The following MYO16 variants were observed in gnomAD, a reference collection of about 807,000 sequenced individuals.
MYO16 encodes the protein unconventional myosin-XVI.
A neutral mutation model predicts 205.3 loss-of-function variants in MYO16; 94 were observed. That is an observed-to-expected ratio of 0.46 (90% CI 0.39 to 0.54). The LOEUF is 0.54. MYO16 is among the 20% of genes least tolerant of loss of function. MYO16 has a pLI of 0.00. For synonymous variants in MYO16, 988 were observed against 954.0 expected (o/e 1.04, Z -0.66); for missense variants, 2,315 against 2,387.5 (o/e 0.97, Z 0.63).
the MYO16 span, among the ~76,000 whole-genome samples, chr13:108,496,830 T>G: frequency 3.3e-5 from 5 of 152,222 alleles, no homozygotes; most frequent in African/African-American, 4.8e-5. Context: ...GAGCGGTTTC[T>G]CTTGCTAAGC....
intron 34 of MYO16, among the ~76,000 whole-genome samples, chr13:109,185,732 C>T (rs2139931379): frequency 6.6e-6 from 1 of 152,312 alleles, no homozygotes; most frequent in East Asian, 1.9e-4. Flanking sequence ...CTCTCAATCT[C>T]ATCCCTGCCT....
chr13:108,761,232 G>A (rs7337670), intron 4 of MYO16, among the ~76,000 whole-genome samples: 5,302 of 152,182 alleles, frequency 0.035, 311 homozygotes, highest in African/African-American at 0.12. Flanking sequence ...CAGAGCATTT[G>A]GATAAGCTCA....
Position 108,920,687 on chromosome 13 carries a change from T to G in MYO16, c.1925+10537T>G, listed in dbSNP as rs988902535. Among the ~76,000 whole-genome samples the G allele has an allele frequency of 1.4e-4, 21 of 152,260 alleles. No individual in the cohort carries two copies. The East Asian group carries it at 3.3e-3, about 24-fold the overall frequency. ...TTGGCCAGGCTGGTCTCAAACTCCT[T>G]ACCTCTGGTGATCTGCCCACCTTGG... is the stretch of plus-strand genomic sequence containing the variant. On this transcript the variant is annotated intron_variant, in intron 16 of 34. Transcript: ENST00000457511.
chr13:109,141,077 C>T lies in MYO16; in HGVS notation c.4865C>T (p.Ala1622Val). Residue 1622 changes from alanine to valine, a missense_variant, in exon 32 of 35, where the codon GCC becomes GTC. Physicochemically the swap from Ala to Val is moderately conservative, Grantham distance 64. Around this residue, in one of 3 missense-constraint regions of MYO16, gnomAD observed 1,097 missense variants for 1,092.0 expected, o/e 1.00. Coordinates refer to ENST00000457511, the MANE Select transcript of MYO16 (RefSeq NM_001198950.3). This position sits in a 1 kb window ranked among gnomAD's most constrained non-coding sequence, Gnocchi z 4.1. Reference protein sequence around the residue: ...CAHLAFPPEPAPVNAGKAGPS... With the variant: ...CAHLAFPPEPVPVNAGKAGPS... ...CACTTGGCCTTCCCGCCGGAGCCCGCCCCGGTGAACGCGGGGAAAGCGGGG... is the reference window on the plus strand; with the variant it reads ...CACTTGGCCTTCCCGCCGGAGCCCGTCCCGGTGAACGCGGGGAAAGCGGGG... The T allele has an allele frequency of 2.1e-6, 3 of 1,457,916 alleles. No individual in the cohort carries two copies. The highest frequency in any genetic ancestry group is 2.7e-6 in the Non-Finnish European group (3 of 1,106,694). 90.3% of individuals were successfully genotyped at this position (1,457,916 alleles called of 1,614,324 possible).
chr13:109,102,076 T>A (rs1888985255), intron 28 of MYO16, among the ~76,000 whole-genome samples: 1 of 152,168 alleles, frequency 6.6e-6, no homozygotes, highest in Non-Finnish European at 1.5e-5. Context: ...ATCTTTTTCT[T>A]TGTTATCTTT....
At chr13:108,649,097 A>T (rs1880884252) in intron 1 of MYO16, among the ~76,000 whole-genome samples, 2 of 147,724 alleles carry the variant, frequency 1.4e-5, no homozygotes, top group Admixed American at 6.8e-5. Context: ...GGGGGGAGGG[A>T]TAGCATTAGG....
intron 27 of MYO16, among the ~76,000 whole-genome samples, chr13:109,072,358 A>G (rs967732420): frequency 5.3e-5 from 8 of 152,058 alleles, no homozygotes; most frequent in Non-Finnish European, 1.0e-4. Context: ...TCTTCTCACA[A>G]TCTTATCTAG....
chr13:108,881,664 G>A (rs980666896), intron 12 of MYO16, among the ~76,000 whole-genome samples: 3 of 152,206 alleles, frequency 2.0e-5, no homozygotes, highest in African/African-American at 7.2e-5. Context: ...AGCTTCAGTA[G>A]CCGATTTGAT....
At chr13:108,829,467 G>A (rs1450574731) in intron 9 of MYO16, among the ~76,000 whole-genome samples, 1 of 152,184 alleles carries the variant, frequency 6.6e-6, no homozygotes. Context: ...ACCATATGGA[G>A]AAAATCTTAT....
chr13:109,187,303 T>C (rs533685339), intron 34 of MYO16, among the ~76,000 whole-genome samples: 4 of 152,234 alleles, frequency 2.6e-5, no homozygotes, highest in Non-Finnish European at 5.9e-5. Flanking sequence ...TAGAAGTCTA[T>C]CAATTCTATT....
chr13:109,201,915 C>T (rs1880409554), intron 34 of MYO16, among the ~76,000 whole-genome samples: 1 of 152,028 alleles, frequency 6.6e-6, no homozygotes, highest in East Asian at 1.9e-4. Flanking sequence ...CAGGTTGCTG[C>T]AAATGCCATT....
the MYO16 span, among the ~76,000 whole-genome samples, chr13:108,508,551 T>C: frequency 1.3e-5 from 2 of 152,180 alleles, no homozygotes; most frequent in Admixed American, 1.3e-4. Context: ...GTCAGTATTC[T>C]AAATCAGGTT....
chr13:108,735,166 G>C lies in MYO16; in HGVS notation c.507+7583G>C, dbSNP rs1020754716. Among the ~76,000 whole-genome samples, 6 of 152,100 alleles carry C rather than the reference G, an allele frequency of 3.9e-5. No individual in the cohort carries two copies. The East Asian group carries it at 1.2e-3, about 29-fold the overall frequency. The stretch of plus-strand genomic sequence containing the variant: ...CTAGGGTACATGTGCACAACCTGCA[G>C]GTTTGTTACATATGTATACATGTGA... On this transcript the variant is annotated intron_variant, in intron 4 of 34. Coordinates refer to ENST00000457511, the MANE Select transcript of MYO16 (RefSeq NM_001198950.3).
rs275953 is a variant in MYO16 at position 109,140,124 on chromosome 13, T to C, written c.4052-140T>C. On this transcript the variant is annotated intron_variant, in intron 31 of 34. Coordinates refer to ENST00000457511, the MANE Select transcript of MYO16 (RefSeq NM_001198950.3). The surrounding 1 kb of genome is among the most constrained non-coding windows in gnomAD (Gnocchi z 8.0). ...GTTCGGGTTCAGCCAGGGAGCCTAG[T>C]GGGTGGAGGAACATGCAGGCCCGGT... 1 allele frequency: 1,395,619 copies of C among 1,396,412 alleles called. 697,419 individuals carry two copies. Among genetic ancestry groups the C allele is most frequent in the Non-Finnish European group, 1 (1,071,133 of 1,071,150 alleles). The allele number at this position is 1,396,412 out of a possible 1,614,324, so 86.5% of individuals were successfully genotyped here.
chr13:108,814,584 G>C (rs1338027717), intron 7 of MYO16, among the ~76,000 whole-genome samples: 2 of 152,096 alleles, frequency 1.3e-5, no homozygotes, highest in Non-Finnish European at 2.9e-5. Context: ...TTTAAAGATA[G>C]CTTCTCTTTC....
rs1041955945 is a variant in MYO16, at chr13:109,162,258, G to T, written c.5165-2643G>T. Among the ~76,000 whole-genome samples the T allele has an allele frequency of 2.0e-5, 3 of 152,228 alleles. No homozygotes were observed. Among genetic ancestry groups the T allele is most frequent in the Non-Finnish European group, 2.9e-5 (2 of 68,042 alleles). Reference sequence around the variant, plus strand: ...GAGGGAGGCCAGCCTGAAGTACTCAGACTGAGAGTCAGCAAGTGCCTTAGA... The same window carrying T: ...GAGGGAGGCCAGCCTGAAGTACTCATACTGAGAGTCAGCAAGTGCCTTAGA... On this transcript the variant is annotated intron_variant, in intron 32 of 34. Transcript: ENST00000457511. The surrounding 1 kb of genome is among the most constrained non-coding windows in gnomAD (Gnocchi z 4.6).
At chr13:108,611,137 A>G (rs1296464439) in intron 1 of MYO16, among the ~76,000 whole-genome samples, 1 of 152,150 alleles carries the variant, frequency 6.6e-6, no homozygotes, top group East Asian at 1.9e-4. Context: ...CAAAGATTTG[A>G]GTCCACGTAA....
upstream of MYO16, among the ~76,000 whole-genome samples, chr13:108,626,173 A>G (rs12323172): frequency 1.3e-5 from 2 of 152,142 alleles, no homozygotes; most frequent in African/African-American, 4.8e-5. Context: ...AAAAAAAATC[A>G]TGTGTTCATA....
chr13:109,116,048 C>T (rs1875662545), intron 28 of MYO16, among the ~76,000 whole-genome samples: 1 of 152,078 alleles, frequency 6.6e-6, no homozygotes, highest in East Asian at 1.9e-4. Flanking sequence ...ATATTGCCAA[C>T]CCACAAATAA....
Sources: gnomAD v4.1 joint callset for allele counts (sites outside exome capture counted in the v4.1 genomes callset) on GRCh38, gnomAD v4.1.1 for gene constraint, gnomAD v4.1.1 regional missense constraint, Gnocchi (gnomAD v3.1) non-coding constraint, MANE v1.5 for transcripts, NCBI Gene and HGNC (gene_info 2026-07-23, HGNC 2026-07-21) for gene names.